The following SLFN12L variants were observed in gnomAD, a reference collection of about 807,000 sequenced individuals.
SLFN12L encodes the protein schlafen family member 12 like.
SLFN12L carries 34 observed loss-of-function variants against 34.8 expected under a neutral mutation model. The ratio of observed to expected loss-of-function variants is 0.98; its 90% CI spans 0.74 to 1.30. The LOEUF (loss-of-function observed/expected upper bound fraction) is 1.30, where lower values mean the gene tolerates loss of function less well. Ranked by LOEUF, SLFN12L falls within the 50% of genes most tolerant of loss-of-function variation. SLFN12L has a pLI of 0.00. For missense variants in SLFN12L, 703 were observed against 696.2 expected (o/e 1.01, Z -0.11); for synonymous variants, 259 against 247.5 (o/e 1.05, Z -0.44).
chr17:35,492,139 C>T (rs1914861476), intron 2 of SLFN12L, among the ~76,000 whole-genome samples: 1 of 152,142 alleles, frequency 6.6e-6, no homozygotes, highest in Admixed American at 6.5e-5. Flanking sequence ...TTTGCAAATT[C>T]ACATTACTTC....
At chr17:35,513,768 C>T (rs767568851) in intron 2 of SLFN12L, among the ~76,000 whole-genome samples, 6 of 152,072 alleles carry the variant, frequency 3.9e-5, no homozygotes, top group African/African-American at 7.2e-5. Context: ...AAAAGCAAAA[C>T]GCAGCAAACA....
Position 35,479,452 on chromosome 17 carries a change from C to A in SLFN12L, c.830G>T (p.Gly277Val). The A allele has an allele frequency of 6.2e-7, 1 of 1,614,138 alleles. No individual in the cohort carries two copies. The highest frequency in any genetic ancestry group is 1.7e-5 in the Admixed American group (1 of 60,024). Residue 277 changes from glycine (G) to valine (V), a missense_variant, in exon 3 of 5, where the codon GGA (glycine) becomes GTA (valine). By Grantham distance (109) the Gly-to-Val change is moderately radical. Transcript: ENST00000628453. The stretch of plus-strand genomic sequence containing the variant: ...TTCATTTAGACCAACGAATAAATAT[C>A]CTCCATCAGTATTTGCAAATGCAGA... ...YVSAFANTDG[G>V]YLFVGLNEDK...
chr17:35,503,876 G>T (rs765786366), intron 2 of SLFN12L, among the ~76,000 whole-genome samples: 4 of 152,040 alleles, frequency 2.6e-5, no homozygotes, highest in Non-Finnish European at 5.9e-5. Context: ...CACCGAGACT[G>T]CTGTTCATAC....
intron 2 of SLFN12L, chr17:35,510,221 T>C (rs1027292461): frequency 1.3e-5 from 2 of 152,238 alleles, no homozygotes; most frequent in African/African-American, 4.8e-5. Flanking sequence ...GTATTTGAAA[T>C]GGTGTTCATA....
At chr17:35,500,522 G>A (rs967527412) in intron 2 of SLFN12L, 4 of 152,444 alleles carry the variant, frequency 2.6e-5, no homozygotes, top group Admixed American at 2.6e-4. Flanking sequence ...GAGGTCAGGA[G>A]ATCTAGACCA....
chr17:35,522,462 T>C lies in SLFN12L; in HGVS notation c.-98A>G. The stretch of plus-strand genomic sequence containing the variant: ...GCTTCTGGAGAATATCTCATACTGC[T>C]GGGCTGTGAGCAGATTTAAAACCTC... On this transcript the variant is annotated 5_prime_UTR_variant, in exon 2 of 5. Coordinates refer to ENST00000628453, the MANE Select transcript of SLFN12L (RefSeq NM_001363830.2). The C allele has an allele frequency of 1.9e-6, 3 of 1,613,918 alleles. No homozygotes were observed. The highest frequency in any genetic ancestry group is 8.5e-7 in the Non-Finnish European group (1 of 1,179,874).
intron 1 of SLFN12L, among the ~76,000 whole-genome samples, chr17:35,528,454 G>C (rs1307845847): frequency 2.0e-5 from 3 of 152,152 alleles, no homozygotes; most frequent in Non-Finnish European, 2.9e-5. Flanking sequence ...ATATTACAAG[G>C]CTACAATAAC....
chr17:35,514,795 A>T lies in SLFN12L; in HGVS notation c.86+7484T>A, dbSNP rs1053396072. 9 of 398,508 alleles carry T rather than the reference A, an allele frequency of 2.3e-5. 1 individual carries two copies. The highest frequency in any genetic ancestry group is 8.9e-5 in the East Asian group (1 of 11,280). The allele number at this position is 398,508 out of a possible 1,614,324, so 24.7% of individuals were successfully genotyped here. On this transcript the variant is annotated intron_variant, in intron 2 of 4. Transcript: ENST00000628453. ...TCCACATCGTCTTTGGCCAAGCGCC[A>T]GCACTTACAAGTCTCTGATTAACTG...
At chr17:35,523,069 A>T in intron 1 of SLFN12L, 100 bp from the exon 2 acceptor site, 1 of 282,920 alleles carries the variant, frequency 3.5e-6, no homozygotes, top group Non-Finnish European at 6.5e-6. Flanking sequence ...ATTATTAATT[A>T]CAGATATTTC....
Position 35,532,638 on chromosome 17 carries a change from T to A in SLFN12L, c.-606+4935A>T, listed in dbSNP as rs2072422875. ...CAGGCACCGTGGCTCTCACCTATAATCCTTACACTTTGGGAGGCCAAGGCA... is the reference window on the plus strand; with the variant it reads ...CAGGCACCGTGGCTCTCACCTATAAACCTTACACTTTGGGAGGCCAAGGCA... On this transcript the variant is annotated intron_variant, in intron 1 of 4. Transcript: ENST00000628453. Among the ~76,000 whole-genome samples, 3 of 151,644 alleles carry A rather than the reference T, an allele frequency of 2.0e-5. No homozygotes were observed. The South Asian group carries it at 6.3e-4, about 32-fold the overall frequency.
At position 35,479,776 on chromosome 17, in the gene SLFN12L, T is replaced by C. The variant is rs757207873; in HGVS notation, c.506A>G (p.Tyr169Cys). Residue 169 changes from tyrosine (Y) to cysteine (C), a missense_variant, in exon 3 of 5, where the codon TAC (tyrosine) becomes TGC (cysteine). Transcript: ENST00000628453. Reference sequence around the variant, plus strand: ...TTTTGCAGACGTTACATCTCTCTTGTACAAACTGGAGCTCAACGTGGCAAT... The same window carrying C: ...TTTTGCAGACGTTACATCTCTCTTGCACAAACTGGAGCTCAACGTGGCAAT... ...PQIATLSSSL[Y>C]KRDVTSAKVM... The C allele has an allele frequency of 9.3e-6, 15 of 1,613,822 alleles. No individual in the cohort carries two copies. In the South Asian group the frequency reaches 1.5e-4, roughly 17 times the overall value.
rs113429129 is a variant in SLFN12L, at chr17:35,495,948, A to C, written c.87-15753T>G. Among the ~76,000 whole-genome samples, 114 of 133,922 alleles carry C rather than the reference A, an allele frequency of 8.5e-4. 1 individual carries two copies. Among genetic ancestry groups the C allele is most frequent in the Middle Eastern group, 3.6e-3 (1 of 274 alleles). The allele number at this position is 133,922 out of a possible 152,430, so 87.9% of individuals were successfully genotyped here. ...ACACACACACACACACACACACACA[A>C]CAAAACGCCAAGACGTGCCAGTGTC... On this transcript the variant is annotated intron_variant, in intron 2 of 4. Coordinates refer to ENST00000628453, the MANE Select transcript of SLFN12L (RefSeq NM_001363830.2).
chr17:35,504,878 G>A lies in SLFN12L; in HGVS notation c.86+17401C>T, dbSNP rs559520887. ...GCAGATGTGTGGTGGTATTGTGGTG[G>A]ACCTTTACTAGGCACTGTGCCCAAT... On this transcript the variant is annotated intron_variant, in intron 2 of 4. Coordinates refer to ENST00000628453, the MANE Select transcript of SLFN12L (RefSeq NM_001363830.2). Among the ~76,000 whole-genome samples the A allele has an allele frequency of 4.6e-5, 7 of 152,300 alleles. No homozygotes were observed. In the South Asian group the frequency reaches 1.0e-3, roughly 23 times the overall value.
chr17:35,490,573 A>G, intron 2 of SLFN12L: 1 of 824,572 alleles, frequency 1.2e-6, no homozygotes, highest in Non-Finnish European at 2.1e-6. Flanking sequence ...GGATGGGGGC[A>G]TGCTGACCCA....
chr17:35,518,393 A>T (rs965185961), intron 2 of SLFN12L, among the ~76,000 whole-genome samples: 1 of 152,130 alleles, frequency 6.6e-6, no homozygotes, highest in African/African-American at 2.4e-5. Flanking sequence ...CTCTACAAAA[A>T]TACAAAAATT....
chr17:35,522,372 A>G lies in SLFN12L; in HGVS notation c.-8T>C. 6.2e-7 allele frequency: 1 copy of G among 1,614,170 alleles called. No homozygotes were observed. The highest frequency in any genetic ancestry group is 1.1e-5 in the South Asian group (1 of 91,082). ...ATTCCTGATCTTCTCCATGATCTTC[A>G]TGGCCATGATGGTCTTTCCTAAGCC... On this transcript the variant is annotated 5_prime_UTR_variant, in exon 2 of 5. An upstream start codon of the reference 5' UTR is lost. Coordinates refer to ENST00000628453, the MANE Select transcript of SLFN12L (RefSeq NM_001363830.2).
At position 35,471,706 on chromosome 17, in the gene SLFN12L, A is replaced by G. The variant is rs1913812133; in HGVS notation, c.*3217T>C. 1.7e-5 allele frequency among the ~76,000 whole-genome samples: 1 copy of G among 59,180 alleles called. No individual in the cohort carries two copies. The highest frequency in any genetic ancestry group is 3.3e-5 in the Non-Finnish European group (1 of 29,954). 38.8% of individuals were successfully genotyped at this position (59,180 alleles called of 152,430 possible). On this transcript the variant is annotated 3_prime_UTR_variant, in exon 5 of 5. Coordinates refer to ENST00000628453, the MANE Select transcript of SLFN12L (RefSeq NM_001363830.2). Reference sequence around the variant, plus strand: ...TTAAATATTCTTTTAATAAAAGATTATTTAAAAGTTTTAAATAATCTTTTA... The same window carrying G: ...TTAAATATTCTTTTAATAAAAGATTGTTTAAAAGTTTTAAATAATCTTTTA...
At chr17:35,501,165 C>A (rs1054724202) in intron 2 of SLFN12L, among the ~76,000 whole-genome samples, 45 of 152,226 alleles carry the variant, frequency 3.0e-4, no homozygotes, top group African/African-American at 1.0e-3. Context: ...AGCATCCCTG[C>A]AGGGGACTGC....
At chr17:35,505,808 C>A (rs1485720035) in intron 2 of SLFN12L, among the ~76,000 whole-genome samples, 2 of 152,164 alleles carry the variant, frequency 1.3e-5, no homozygotes, top group African/African-American at 4.8e-5. Flanking sequence ...AACTGGTCCA[C>A]GCATGGCTGA....
Sources: allele counts gnomAD v4.1 joint callset (sites outside exome capture counted in the v4.1 genomes callset), GRCh38; gene constraint gnomAD v4.1.1; transcripts MANE v1.5; gene names NCBI Gene and HGNC (gene_info 2026-07-23, HGNC 2026-07-21).